Variants in PAMR1 observed in about 807,000 individuals in gnomAD.
The protein encoded by PAMR1 is inactive serine protease PAMR1.
In PAMR1, 88 loss-of-function variants were observed where a neutral mutation model predicts 81.8. The observed-to-expected ratio is 1.08, with a 90% confidence interval of 0.91 to 1.28. The LOEUF is 1.28. Ranked by LOEUF, PAMR1 falls within the 50% of genes most tolerant of loss-of-function variation. PAMR1 has a pLI of 0.00. For missense variants in PAMR1, 935 were observed against 919.7 expected (o/e 1.02, Z -0.21); for synonymous variants, 336 against 345.3 (o/e 0.97, Z 0.30).
At chr11:35,444,295 G>A (rs533233472) in intron 6 of PAMR1, among the ~76,000 whole-genome samples, 1 of 152,106 alleles carries the variant, frequency 6.6e-6, no homozygotes, top group Admixed American at 6.5e-5. Flanking sequence ...TCTGTAGGTT[G>A]TATGTTCACT....
intron 1 of PAMR1, among the ~76,000 whole-genome samples, chr11:35,517,061 A>T (rs1851178029): frequency 6.6e-6 from 1 of 152,166 alleles, no homozygotes; most frequent in African/African-American, 2.4e-5. Context: ...TGTATCTGAC[A>T]TGATACATCT....
intron 6 of PAMR1, among the ~76,000 whole-genome samples, chr11:35,455,746 C>T (rs957736689): frequency 1.8e-4 from 28 of 152,138 alleles, no homozygotes; most frequent in Middle Eastern, 6.8e-3. Context: ...CTCCTCTGTG[C>T]CCAGCTGAAT....
chr11:35,461,077 C>A (rs964733429), intron 6 of PAMR1, among the ~76,000 whole-genome samples: 2 of 152,084 alleles, frequency 1.3e-5, no homozygotes, highest in African/African-American at 4.8e-5. Context: ...TGATGAGCAC[C>A]CTTCTCTTTC....
intron 1 of PAMR1, 137 bp downstream of exon 1, chr11:35,525,376 C>G (rs556492026): frequency 4.5e-6 from 3 of 664,750 alleles, no homozygotes; most frequent in East Asian, 5.5e-5. Context: ...AAAGCACCAC[C>G]CCCCCTCAAC....
At chr11:35,493,208 G>C (rs538520616) in intron 2 of PAMR1, among the ~76,000 whole-genome samples, 1 of 152,198 alleles carries the variant, frequency 6.6e-6, no homozygotes, top group African/African-American at 2.4e-5. Context: ...CCTGCCTCTA[G>C]TCATGCGTGT....
At chr11:35,444,433 A>G (rs1856249982) in intron 6 of PAMR1, among the ~76,000 whole-genome samples, 1 of 152,004 alleles carries the variant, frequency 6.6e-6, no homozygotes, top group Non-Finnish European at 1.5e-5. Context: ...CCTATGTTGT[A>G]TGGTATTGCC....
chr11:35,515,417 G>T (rs1293607685), intron 1 of PAMR1, among the ~76,000 whole-genome samples: 1 of 152,210 alleles, frequency 6.6e-6, no homozygotes, highest in African/African-American at 2.4e-5. Context: ...TATGTCCAAT[G>T]GGTCCCGAAG....
In PAMR1 at chr11:35,435,920, G is replaced by T; in HGVS notation, c.1316C>A (p.Ala439Glu). 1 of 1,613,566 alleles carries T rather than the reference G, an allele frequency of 6.2e-7. No individual in the cohort carries two copies. Residue 439 changes from alanine (A) to glutamate (E), a missense_variant, in exon 9 of 11, where the codon GCA becomes GAA. Coordinates refer to ENST00000619888, the MANE Select transcript of PAMR1 (RefSeq NM_001001991.3). The part of the protein sequence containing the change: ...CLRTGKWSGR[A>E]PSCIPICGKI... ...TGACTCACTAGGGATGCAGGATGGT[G>T]CCCGCCCACTCCACTTCCCAGTCCT...
intron 1 of PAMR1, among the ~76,000 whole-genome samples, chr11:35,523,577 T>C (rs570678301): frequency 6.6e-6 from 1 of 152,244 alleles, no homozygotes; most frequent in African/African-American, 2.4e-5. Flanking sequence ...TCCCAGTGGA[T>C]GTTTACAATT....
At chr11:35,502,388 C>A (rs1047293468) in intron 1 of PAMR1, among the ~76,000 whole-genome samples, 12 of 152,126 alleles carry the variant, frequency 7.9e-5, no homozygotes, top group African/African-American at 2.9e-4. Context: ...TGCATTAGCT[C>A]TTTTTCCTAA....
At chr11:35,508,121 G>A (rs891332897) in intron 1 of PAMR1, among the ~76,000 whole-genome samples, 1 of 152,124 alleles carries the variant, frequency 6.6e-6, no homozygotes, top group African/African-American at 2.4e-5. Context: ...TGTTGCCAGG[G>A]GTATTTTTCC....
At position 35,432,493 on chromosome 11, in the gene PAMR1, G is replaced by A. The variant is rs766723858; in HGVS notation, c.2026C>T (p.Arg676Ter). 31 of 1,614,110 alleles carry A rather than the reference G, an allele frequency of 1.9e-5. No individual in the cohort carries two copies. The highest frequency in any genetic ancestry group is 2.2e-5 in the East Asian group (1 of 44,894). The change falls in exon 11 of 11, where the codon CGA becomes TGA. Residue 676 changes from arginine to a stop codon, truncating the protein, a stop_gained. Coordinates refer to ENST00000619888, the MANE Select transcript of PAMR1 (RefSeq NM_001001991.3). LOFTEE classifies it high-confidence loss of function. ...TGCCAGCGTGGCTCAGGAGATGCTC[G>A]TCCCGGGAAGGACACAGCCGCGATG... ...GGIAAVSFPGRASPEPRWHLM... is the reference protein window; with the variant it reads ...GGIAAVSFPG
intron 1 of PAMR1, among the ~76,000 whole-genome samples, chr11:35,504,815 A>G (rs1235701354): frequency 6.6e-6 from 1 of 151,906 alleles, no homozygotes; most frequent in African/African-American, 2.4e-5. Flanking sequence ...CAAAAAACCA[A>G]CTTTTTGTTT....
At chr11:35,514,886 T>G (rs1433213860) in intron 1 of PAMR1, among the ~76,000 whole-genome samples, 2 of 152,106 alleles carry the variant, frequency 1.3e-5, no homozygotes, top group African/African-American at 4.8e-5. Flanking sequence ...ACAACTGTGG[T>G]CCCAGCTACT....
intron 1 of PAMR1, among the ~76,000 whole-genome samples, chr11:35,517,271 A>G (rs776345979): frequency 2.0e-5 from 3 of 152,228 alleles, no homozygotes; most frequent in Non-Finnish European, 2.9e-5. Context: ...TCATAGGAAC[A>G]TGGATGTGCC....
rs781129372 is a variant in PAMR1, at chr11:35,434,494, GT to G, written c.1626+17del. On this transcript the variant is annotated intron_variant, in intron 10 of 10. Coordinates refer to ENST00000619888, the MANE Select transcript of PAMR1 (RefSeq NM_001001991.3). ...TTTGAGCCAGAGCCCCAGCTTCCAA[GT>G]GCAAGCCCTCTCTTACCTGTAGGCT... The G allele has an allele frequency of 6.7e-5, 108 of 1,604,062 alleles. 1 individual carries two copies. In the East Asian group the frequency reaches 2.4e-3, roughly 36 times the overall value.
At chr11:35,451,481 T>G (rs1167621083) in intron 6 of PAMR1, among the ~76,000 whole-genome samples, 1 of 152,248 alleles carries the variant, frequency 6.6e-6, no homozygotes, top group Non-Finnish European at 1.5e-5. Context: ...ACTTTTCATG[T>G]AGTATTTCCT....
At chr11:35,521,521 C>T (rs1029811528) in intron 1 of PAMR1, among the ~76,000 whole-genome samples, 5 of 152,234 alleles carry the variant, frequency 3.3e-5, no homozygotes, top group African/African-American at 7.2e-5. Context: ...GTTCAAAACA[C>T]TCTGAAGCAC....
intron 3 of PAMR1, among the ~76,000 whole-genome samples, chr11:35,488,339 C>A (rs1850550726): frequency 6.6e-6 from 1 of 151,704 alleles, no homozygotes; most frequent in South Asian, 2.1e-4. Context: ...CCTCCTCAGT[C>A]TCTTGAGTAG....
Sources: allele counts gnomAD v4.1 joint callset (sites outside exome capture counted in the v4.1 genomes callset), GRCh38; gene constraint gnomAD v4.1.1; transcripts MANE v1.5; gene names NCBI Gene and HGNC (gene_info 2026-07-23, HGNC 2026-07-21).